FBXO36: variants seen among roughly 807,000 people sequenced by gnomAD.
FBXO36 encodes F-box only protein 36.
FBXO36 carries 18 observed loss-of-function variants against 17.0 expected under a neutral mutation model. The ratio of observed to expected loss-of-function variants is 1.06; its 90% confidence interval spans 0.73 to 1.57. The LOEUF is 1.57. FBXO36 is among the 40% of genes most tolerant of loss of function. The pLI, the probability that FBXO36 is intolerant of heterozygous loss-of-function variation, is 0.00. For synonymous variants in FBXO36, 83 were observed against 85.3 expected, an observed-to-expected ratio of 0.97 and a Z score of 0.15; for missense variants, 229 against 221.9, an observed-to-expected ratio of 1.03 and a Z score of -0.20.
chr2:229,990,497 A>T (rs888282511), intron 2 of FBXO36, among the ~76,000 whole-genome samples: 7 of 152,010 alleles, frequency 4.6e-5, no homozygotes, highest in Non-Finnish European at 8.8e-5. Flanking sequence ...TACTTTTGAG[A>T]TGGTTATCTA....
At chr2:230,008,520 C>G (rs948136079) in intron 3 of FBXO36, among the ~76,000 whole-genome samples, 5 of 152,108 alleles carry the variant, frequency 3.3e-5, no homozygotes, top group African/African-American at 7.2e-5. Context: ...TAAAACAAAA[C>G]TGTAAATATT....
chr2:229,976,301 G>A lies in FBXO36; in HGVS notation c.157G>A (p.Glu53Lys). 6.2e-7 allele frequency: 1 copy of A among 1,613,772 alleles called. No homozygotes were observed. The highest frequency in any genetic ancestry group is 8.5e-7 in the Non-Finnish European group (1 of 1,179,844). The change falls in exon 2 of 4, where the codon GAA becomes AAA. Residue 53 changes from glutamate (E) to lysine (K), a missense_variant. Coordinates refer to ENST00000283946, the MANE Select transcript of FBXO36 (RefSeq NM_174899.5). Reference protein sequence around the residue: ...RSEYRSTKPGEAKETHEDFLE... With the variant: ...RSEYRSTKPGKAKETHEDFLE... Reference sequence around the variant, plus strand: ...TGAGTATCGATCAACAAAACCTGGAGAAGCAAAAGAAACCCATGAAGACTT... The same window carrying A: ...TGAGTATCGATCAACAAAACCTGGAAAAGCAAAAGAAACCCATGAAGACTT...
chr2:229,967,489 A>G (rs990416095), intron 1 of FBXO36, among the ~76,000 whole-genome samples: 1 of 152,174 alleles, frequency 6.6e-6, no homozygotes, highest in African/African-American at 2.4e-5. Context: ...GTTTTTGCCC[A>G]TTCAGTATGA....
chr2:230,008,964 T>G (rs2077401105), intron 3 of FBXO36, among the ~76,000 whole-genome samples: 1 of 152,230 alleles, frequency 6.6e-6, no homozygotes, highest in South Asian at 2.1e-4. Context: ...GCTGTTGTGT[T>G]GATGTTTGCG....
intron 1 of FBXO36, among the ~76,000 whole-genome samples, chr2:229,953,095 C>T (rs2396701): frequency 0.94 from 142,858 of 152,250 alleles, 67,674 homozygotes; most frequent in East Asian, 1. Context: ...CCCAGCACTT[C>T]GGGAGGCTGA....
At chr2:229,923,446 G>T (rs557193805) in intron 1 of FBXO36, among the ~76,000 whole-genome samples, 1 of 152,136 alleles carries the variant, frequency 6.6e-6, no homozygotes, top group Non-Finnish European at 1.5e-5. Flanking sequence ...CATGCACCCT[G>T]CCCTTTCAAT....
chr2:230,003,459 C>A (rs1042724263), intron 3 of FBXO36, among the ~76,000 whole-genome samples: 1 of 152,008 alleles, frequency 6.6e-6, no homozygotes, highest in Non-Finnish European at 1.5e-5. Flanking sequence ...TCGGTCCATG[C>A]CTGCAAAATA....
At chr2:230,000,990 G>T (rs968163157) in intron 3 of FBXO36, among the ~76,000 whole-genome samples, 3 of 151,430 alleles carry the variant, frequency 2.0e-5, no homozygotes, top group Non-Finnish European at 4.4e-5. Flanking sequence ...GAGTAGCTGG[G>T]TGGGACTACA....
intron 1 of FBXO36, among the ~76,000 whole-genome samples, chr2:229,959,859 A>T (rs1001501513): frequency 2.6e-5 from 4 of 152,004 alleles, no homozygotes; most frequent in Non-Finnish European, 5.9e-5. Context: ...AAAAAAAAGA[A>T]TACTGCCAAA....
intron 1 of FBXO36, among the ~76,000 whole-genome samples, chr2:229,953,325 T>C (rs2077067441): frequency 6.6e-6 from 1 of 150,928 alleles, no homozygotes; most frequent in Non-Finnish European, 1.5e-5. Flanking sequence ...GGCGACAGAG[T>C]GAGACTCTCA....
intron 2 of FBXO36, among the ~76,000 whole-genome samples, chr2:229,989,676 T>C (rs1178610609): frequency 6.6e-6 from 1 of 151,606 alleles, no homozygotes; most frequent in African/African-American, 2.4e-5. Flanking sequence ...GTTCTCTGCC[T>C]CAGACTCCAG....
In FBXO36 at chr2:229,996,911, C is replaced by T. The variant is rs1206373049; in HGVS notation, c.366C>T (p.His122=). The T allele has an allele frequency of 6.2e-7, 1 of 1,613,046 alleles. No individual in the cohort carries two copies. The highest frequency in any genetic ancestry group is 8.5e-7 in the Non-Finnish European group (1 of 1,179,762). ...EDIARLCQTS[H]RFAKLCMSDK... is the part of the protein sequence containing the mutation. ...TTGCCAGGCTTTGTCAAACATCACA[C>T]AGATTTGCAAAGGTAACGGTCAATT... The change falls in exon 3 of 4, where the codon CAC becomes CAT. Residue 122 remains histidine (H), a synonymous_variant. Transcript: ENST00000283946.
intron 2 of FBXO36, among the ~76,000 whole-genome samples, chr2:229,996,419 A>G (rs13429973): frequency 0.013 from 1,979 of 152,288 alleles, 37 homozygotes; most frequent in African/African-American, 0.046. Flanking sequence ...TGGAGGGGCC[A>G]TGAGTACAAT....
intron 1 of FBXO36, among the ~76,000 whole-genome samples, chr2:229,945,384 G>A (rs760576853): frequency 3.9e-5 from 6 of 152,186 alleles, no homozygotes; most frequent in South Asian, 2.1e-4. Context: ...TCGGCTCACT[G>A]CAACCTCCAC....
intron 2 of FBXO36, among the ~76,000 whole-genome samples, chr2:229,977,934 AAACTC>A (rs1403048246): frequency 6.6e-6 from 1 of 152,108 alleles, no homozygotes; most frequent in Admixed American, 6.6e-5. Flanking sequence ...TTCTTCGACT[AAACTC>A]TTTAATAATT....
intron 1 of FBXO36, among the ~76,000 whole-genome samples, chr2:229,972,124 G>T (rs1460717172): frequency 6.6e-6 from 1 of 150,836 alleles, no homozygotes; most frequent in African/African-American, 2.4e-5. Context: ...CTCCCAAGTA[G>T]CTGGGATTAC....
chr2:229,974,211 TA>T (rs1172620074), intron 1 of FBXO36, among the ~76,000 whole-genome samples: 1 of 151,890 alleles, frequency 6.6e-6, no homozygotes, highest in Non-Finnish European at 1.5e-5. Context: ...AGGTTATACA[TA>T]AAAAAAAGCA....
At chr2:230,002,143 A>AT (rs575725050) in intron 3 of FBXO36, among the ~76,000 whole-genome samples, 4 of 149,450 alleles carry the variant, frequency 2.7e-5, no homozygotes, top group East Asian at 3.9e-4. Flanking sequence ...GCCTATTGTT[A>AT]TTTTTTTTTT....
intron 2 of FBXO36, among the ~76,000 whole-genome samples, chr2:229,985,409 G>C (rs1454119942): frequency 1.3e-5 from 2 of 152,024 alleles, no homozygotes; most frequent in African/African-American, 4.8e-5. Flanking sequence ...ATTTTCTCTA[G>C]GTTTCTTTTT....
Sources: allele counts gnomAD v4.1 joint callset (sites outside exome capture counted in the v4.1 genomes callset), GRCh38; gene constraint gnomAD v4.1.1; transcripts MANE v1.5; gene names NCBI Gene and HGNC (gene_info 2026-07-23, HGNC 2026-07-21).